GPC5: variants seen among roughly 807,000 people sequenced by gnomAD.
The protein encoded by GPC5 is glypican-5.
GPC5 carries 47 observed loss-of-function variants against 53.9 expected under a neutral mutation model. That is an observed-to-expected ratio of 0.87 (90% CI 0.69 to 1.11). The LOEUF is 1.11. GPC5 is among the 50% of genes most tolerant of loss of function. The pLI is 0.00. For missense variants in GPC5, 748 were observed against 713.1 expected, an observed-to-expected ratio of 1.05 and a Z score of -0.56; for synonymous variants, 286 against 263.3, an observed-to-expected ratio of 1.09 and a Z score of -0.84.
intron 2 of GPC5, among the ~76,000 whole-genome samples, chr13:91,452,837 A>G (rs1023391908): frequency 6.6e-6 from 1 of 151,968 alleles, no homozygotes; most frequent in African/African-American, 2.4e-5. Context: ...AGAGGACACT[A>G]TTGGAAGCTT....
chr13:91,576,321 G>GTATATATA (rs59110803), intron 2 of GPC5, among the ~76,000 whole-genome samples: 21 of 115,800 alleles, frequency 1.8e-4, no homozygotes, highest in South Asian at 5.0e-4. Flanking sequence ...TACACAATGT[G>GTATATATA]TATATATATA....
chr13:92,467,005 A>G (rs535863209), intron 7 of GPC5, among the ~76,000 whole-genome samples: 1 of 152,256 alleles, frequency 6.6e-6, no homozygotes, highest in South Asian at 2.1e-4. Context: ...CAAACTGTTC[A>G]GGCTGTCCTT....
chr13:92,276,435 G>A (rs755133589), intron 7 of GPC5, among the ~76,000 whole-genome samples: 2 of 151,844 alleles, frequency 1.3e-5, no homozygotes, highest in South Asian at 2.1e-4. Flanking sequence ...ATTCTTTGAC[G>A]AGACTATTAT....
At chr13:91,807,142 G>A (rs2038235034) in intron 5 of GPC5, among the ~76,000 whole-genome samples, 1 of 152,050 alleles carries the variant, frequency 6.6e-6, no homozygotes, top group South Asian at 2.1e-4. Flanking sequence ...TAGTTTTGGG[G>A]AACTAACCCA....
In GPC5 at chr13:92,205,457, C is replaced by A. The variant is rs2042326921; in HGVS notation, c.1561+60468C>A. Among the ~76,000 whole-genome samples the A allele has an allele frequency of 3.3e-5, 5 of 152,210 alleles. No individual in the cohort carries two copies. The South Asian group carries it at 8.3e-4, about 25-fold the overall frequency. Reference sequence around the variant, plus strand: ...CATAAATTATCAGGTGTGGCCCAGGCAGCCCACTATAAATAACAAAGACTC... The same window carrying A: ...CATAAATTATCAGGTGTGGCCCAGGAAGCCCACTATAAATAACAAAGACTC... On this transcript the variant is annotated intron_variant, in intron 7 of 7. Transcript: ENST00000377067.
chr13:92,443,653 G>A (rs1308768985), intron 7 of GPC5, among the ~76,000 whole-genome samples: 1 of 152,200 alleles, frequency 6.6e-6, no homozygotes, highest in African/African-American at 2.4e-5. Flanking sequence ...TATAATGAGA[G>A]TGACAAAGGG....
At chr13:91,746,485 T>C (rs769359848) in intron 4 of GPC5, among the ~76,000 whole-genome samples, 9 of 152,152 alleles carry the variant, frequency 5.9e-5, no homozygotes, top group Non-Finnish European at 8.8e-5. Flanking sequence ...GTCTCTTCTG[T>C]GTTGTATTCA....
chr13:92,497,235 G>T (rs376476789), intron 7 of GPC5, among the ~76,000 whole-genome samples: 5,354 of 151,760 alleles, frequency 0.035, 333 homozygotes, highest in African/African-American at 0.12. Context: ...TTTATGGCTT[G>T]GGGTTATACA....
At chr13:92,454,600 T>A (rs1878190414) in intron 7 of GPC5, among the ~76,000 whole-genome samples, 2 of 152,034 alleles carry the variant, frequency 1.3e-5, no homozygotes, top group South Asian at 2.1e-4. Flanking sequence ...GGTAAAAGAG[T>A]AGACAAGATA....
intron 7 of GPC5, among the ~76,000 whole-genome samples, chr13:92,165,422 A>G (rs4491370): frequency 0.57 from 86,289 of 152,024 alleles, 24,931 homozygotes; most frequent in South Asian, 0.77. Context: ...ATGAAGAAAA[A>G]AGGTTTAATT....
At chr13:91,637,108 T>G (rs889680524) in intron 2 of GPC5, among the ~76,000 whole-genome samples, 1 of 152,206 alleles carries the variant, frequency 6.6e-6, no homozygotes, top group Non-Finnish European at 1.5e-5. Context: ...AATTCCATCT[T>G]AAATATATTG....
At chr13:92,568,521 G>A (rs1448481130) in intron 7 of GPC5, among the ~76,000 whole-genome samples, 1 of 152,188 alleles carries the variant, frequency 6.6e-6, no homozygotes, top group South Asian at 2.1e-4. Flanking sequence ...TATTTAGTTT[G>A]TTATAACATT....
intron 2 of GPC5, among the ~76,000 whole-genome samples, chr13:91,592,374 C>T (rs909460929): frequency 2.6e-5 from 4 of 152,242 alleles, no homozygotes; most frequent in Admixed American, 2.6e-4. Context: ...CAGGTCTGCT[C>T]CCGAGCCTTG....
chr13:92,701,516 T>C (rs1052672240), intron 7 of GPC5: 1 of 152,128 alleles, frequency 6.6e-6, no homozygotes, highest in East Asian at 1.9e-4. Context: ...TCTTGAAATA[T>C]CTGCAACAAA....
intron 5 of GPC5, among the ~76,000 whole-genome samples, chr13:91,817,934 A>G (rs574555502): frequency 3.9e-4 from 60 of 152,062 alleles, no homozygotes; most frequent in Non-Finnish European, 6.8e-4. Context: ...AACAACTATA[A>G]TTGGATTTTT....
chr13:92,133,692 G>A (rs1451285945), intron 6 of GPC5, among the ~76,000 whole-genome samples: 2 of 152,058 alleles, frequency 1.3e-5, no homozygotes. Context: ...GGAGATAAAT[G>A]GTTAAAAGAC....
At chr13:91,501,248 T>G (rs116118925) in intron 2 of GPC5, among the ~76,000 whole-genome samples, 6,366 of 151,142 alleles carry the variant, frequency 0.042, 419 homozygotes, top group African/African-American at 0.14. Flanking sequence ...TTGTTTTTTT[T>G]TTTTTTTTTT....
chr13:91,440,017 C>CT (rs1566399500), intron 1 of GPC5, among the ~76,000 whole-genome samples: 1 of 152,034 alleles, frequency 6.6e-6, no homozygotes, highest in Non-Finnish European at 1.5e-5. Flanking sequence ...TTGCCTTTTC[C>CT]TTTTTTCTTA....
At chr13:91,876,610 A>G (rs761339804) in intron 5 of GPC5, among the ~76,000 whole-genome samples, 14 of 152,248 alleles carry the variant, frequency 9.2e-5, no homozygotes, top group Non-Finnish European at 1.9e-4. Context: ...AAAGCATTCA[A>G]GATGTGACTC....
Sources: allele counts gnomAD v4.1 joint callset (sites outside exome capture counted in the v4.1 genomes callset), GRCh38; gene constraint gnomAD v4.1.1; transcripts MANE v1.5; gene names NCBI Gene and HGNC (gene_info 2026-07-23, HGNC 2026-07-21).